ST6GALNAC4: variants seen among roughly 807,000 people sequenced by gnomAD.
ST6GALNAC4 encodes ST6 N-acetylgalactosaminide alpha-2,6-sialyltransferase 4.
ST6GALNAC4 carries 24 observed loss-of-function variants against 30.4 expected under a neutral mutation model. The ratio of observed to expected loss-of-function variants is 0.79; its 90% confidence interval spans 0.57 to 1.11. The LOEUF is 1.11. ST6GALNAC4 is among the 50% of genes most tolerant of loss of function. The pLI is 0.00. For missense variants in ST6GALNAC4, 365 were observed against 430.1 expected, an observed-to-expected ratio of 0.85 and a Z score of 1.34; for synonymous variants, 156 against 179.7, an observed-to-expected ratio of 0.87 and a Z score of 1.05.
intron 2 of ST6GALNAC4, 82 bp downstream of exon 2, chr9:127,916,326 G>A: frequency 6.3e-7 from 1 of 1,588,106 alleles, no homozygotes; most frequent in Non-Finnish European, 8.6e-7. Flanking sequence ...GTGGCAGTGG[G>A]TCCTGGGGTG....
intron 3 of ST6GALNAC4, among the ~76,000 whole-genome samples, chr9:127,913,087 T>C (rs903465874): frequency 3.3e-5 from 5 of 152,224 alleles, no homozygotes; most frequent in Admixed American, 2.0e-4. Flanking sequence ...GAATCATTCT[T>C]AGGCCACTCC....
chr9:127,910,591 C>T, intron 4 of ST6GALNAC4: 10 of 991,282 alleles, frequency 1.0e-5, no homozygotes, highest in Non-Finnish European at 1.1e-5. Context: ...CAGCCCCTGC[C>T]CGCATGCCCC....
At chr9:127,911,262 G>A (rs1038317807) in intron 4 of ST6GALNAC4, among the ~76,000 whole-genome samples, 1 of 152,182 alleles carries the variant, frequency 6.6e-6, no homozygotes, top group African/African-American at 2.4e-5. Flanking sequence ...GTACGTGGCA[G>A]ATGATGATAC....
chr9:127,909,185 C>T (rs1178151911), intron 5 of ST6GALNAC4, among the ~76,000 whole-genome samples: 1 of 152,092 alleles, frequency 6.6e-6, no homozygotes, highest in Non-Finnish European at 1.5e-5. Flanking sequence ...GTCAGGAGTT[C>T]CAGACCAGCC....
Position 127,916,871 on chromosome 9 carries a change from G to A in ST6GALNAC4, c.-121C>T, listed in dbSNP as rs1831205231. ...TGGAGAGGCCGGGCGAGGGCAGGAC[G>A]TAGGTTTTTCACCGCCCTTCCAGAT... On this transcript the variant is annotated 5_prime_UTR_variant, in exon 1 of 6. In the 5' UTR this introduces an upstream ATG that the reference lacks. Transcript: ENST00000335791. 2 of 190,314 alleles carry A rather than the reference G, an allele frequency of 1.1e-5. No individual in the cohort carries two copies. The highest frequency in any genetic ancestry group is 2.2e-5 in the Non-Finnish European group (2 of 90,692). 11.8% of individuals were successfully genotyped at this position (190,314 alleles called of 1,614,324 possible).
chr9:127,912,748 C>T, intron 3 of ST6GALNAC4, 68 bp from the exon 4 acceptor site: 5 of 1,444,518 alleles, frequency 3.5e-6, no homozygotes, highest in Non-Finnish European at 3.7e-6. Context: ...CTGCAGCTCC[C>T]CCTGGAATAT....
rs187119628 is a variant in ST6GALNAC4, at chr9:127,912,566, G to A, written c.313C>T (p.Gln105Ter). 11 of 1,612,760 alleles carry A rather than the reference G, an allele frequency of 6.8e-6. No individual in the cohort carries two copies. The highest frequency in any genetic ancestry group is 1.7e-6 in the Non-Finnish European group (2 of 1,179,890). ...DSAECVFRMN[Q>*]APTVGFEADV... The stretch of plus-strand genomic sequence containing the variant: ...GCCTCAAAGCCCACGGTGGGCGCCT[G>A]GTTCATGCGGAACACGCACTCGGCA... Residue 105 changes from glutamine (Q) to a stop codon, truncating the protein, a stop_gained, in exon 4 of 6, where the codon CAG (glutamine) becomes TAG (stop). Transcript: ENST00000335791. LOFTEE classifies it high-confidence loss of function.
chr9:127,908,837 CGCAGAT>C (rs1831003006), intron 5 of ST6GALNAC4, among the ~76,000 whole-genome samples: 1 of 152,160 alleles, frequency 6.6e-6, no homozygotes, highest in South Asian at 2.1e-4. Flanking sequence ...GTGTGTAAAA[CGCAGAT>C]GGTCACATCC....
At chr9:127,915,542 G>A (rs908219035) in intron 2 of ST6GALNAC4, among the ~76,000 whole-genome samples, 1 of 152,242 alleles carries the variant, frequency 6.6e-6, no homozygotes, top group Non-Finnish European at 1.5e-5. Context: ...GGAGGCTACC[G>A]CCTCCAGAAA....
At chr9:127,909,337 C>T (rs75267954) in intron 5 of ST6GALNAC4, among the ~76,000 whole-genome samples, 48 of 149,244 alleles carry the variant, frequency 3.2e-4, no homozygotes, top group Admixed American at 2.6e-3. Context: ...TGCAGTGAGC[C>T]AAGATCGCGC....
Position 127,912,785 on chromosome 9 carries a change from G to C in ST6GALNAC4, c.199-105C>G, listed in dbSNP as rs1012125390. On this transcript the variant is annotated intron_variant, in intron 3 of 5. Transcript: ENST00000335791. ...CACCAATCTTGCTTGATCAGGTATC[G>C]GCTTGAAGGACTGTTATGAACCCAT... 9 of 1,350,172 alleles carry C rather than the reference G, an allele frequency of 6.7e-6. No homozygotes were observed. In the Admixed American group the frequency reaches 2.2e-4, roughly 33 times the overall value. 83.6% of individuals were successfully genotyped at this position (1,350,172 alleles called of 1,614,324 possible).
intron 2 of ST6GALNAC4, chr9:127,916,153 C>T (rs1831190183): frequency 1.7e-6 from 1 of 582,502 alleles, no homozygotes; most frequent in South Asian, 2.1e-5. Context: ...TCCACGTAGG[C>T]TTTGCCTGGT....
In ST6GALNAC4 at chr9:127,908,357, T is replaced by A. The variant is rs538636412; in HGVS notation, c.*35A>T. The A allele has an allele frequency of 2.0e-6, 3 of 1,506,900 alleles. No homozygotes were observed. In the South Asian group the frequency reaches 4.0e-5, roughly 20 times the overall value. 93.3% of individuals were successfully genotyped at this position (1,506,900 alleles called of 1,614,324 possible). ...CTTGGGATGGGACATCCCGGAGGCC[T>A]CGCAACGGCATGGCGACTGGCAGGA... is the stretch of plus-strand genomic sequence containing the variant. On this transcript the variant is annotated 3_prime_UTR_variant, in exon 6 of 6. Coordinates refer to ENST00000335791, the MANE Select transcript of ST6GALNAC4 (RefSeq NM_175039.4).
At position 127,916,502 on chromosome 9, in the gene ST6GALNAC4, G is replaced by C; in HGVS notation, c.-75-8C>G. 6.4e-7 allele frequency: 1 copy of C among 1,570,306 alleles called. No individual in the cohort carries two copies. Among genetic ancestry groups the C allele is most frequent in the South Asian group, 1.1e-5 (1 of 90,246 alleles). ...GGGGTGGGAGCCGGGCACCTGCCAA[G>C]ACCCAGAAACTCAGAGCCGGGAGGG... is the stretch of plus-strand genomic sequence containing the variant. On this transcript the variant is annotated splice_region_variant and splice_polypyrimidine_tract_variant and intron_variant, in intron 1 of 5. Coordinates refer to ENST00000335791, the MANE Select transcript of ST6GALNAC4 (RefSeq NM_175039.4).
At chr9:127,909,530 CTT>C (rs1425869392) in intron 5 of ST6GALNAC4, among the ~76,000 whole-genome samples, 1 of 146,322 alleles carries the variant, frequency 6.8e-6, no homozygotes, top group Non-Finnish European at 1.5e-5. Context: ...AAAATTAAAA[CTT>C]ATATAAAACA....
chr9:127,908,206 T>G lies in ST6GALNAC4; in HGVS notation c.*186A>C. 1 of 228,110 alleles carries G rather than the reference T, an allele frequency of 4.4e-6. No homozygotes were observed. The highest frequency in any genetic ancestry group is 1.5e-3 in the Middle Eastern group (1 of 652). The allele number at this position is 228,110 out of a possible 1,614,324, so 14.1% of individuals were successfully genotyped here. The stretch of plus-strand genomic sequence containing the variant: ...GACACGGCTCCCCCCTCCACTCCCC[T>G]TCAAGTCATGAGGCCTGAGATGGCT... On this transcript the variant is annotated 3_prime_UTR_variant, in exon 6 of 6. Coordinates refer to ENST00000335791, the MANE Select transcript of ST6GALNAC4 (RefSeq NM_175039.4).
rs764687163 is a variant in ST6GALNAC4 at position 127,908,402 on chromosome 9, C to T, written c.899G>A (p.Arg300Lys). ...GCAGGACGACGGAAGCTACTCAGTC[C>T]TCCAGGACGGATGGGCGAACACGAT... ...RPIVFAHPSW[R>K]TE The change falls in exon 6 of 6, where the codon AGG becomes AAG. Residue 300 changes from arginine (R) to lysine (K), a missense_variant. Arg to Lys is a conservative substitution (Grantham distance 26). Transcript: ENST00000335791. 19 of 1,569,554 alleles carry T rather than the reference C, an allele frequency of 1.2e-5. No individual in the cohort carries two copies. The highest frequency in any genetic ancestry group is 1.5e-5 in the Non-Finnish European group (17 of 1,149,062).
intron 3 of ST6GALNAC4, among the ~76,000 whole-genome samples, 162 bp from the exon 4 acceptor site, chr9:127,912,842 C>G (rs1017655190): frequency 6.6e-6 from 1 of 152,180 alleles, no homozygotes; most frequent in Non-Finnish European, 1.5e-5. Flanking sequence ...ATGACTTTCC[C>G]GAGATCACAG....
intron 4 of ST6GALNAC4, among the ~76,000 whole-genome samples, chr9:127,911,105 A>G (rs905694089): frequency 6.6e-6 from 1 of 152,170 alleles, no homozygotes; most frequent in African/African-American, 2.4e-5. Flanking sequence ...TGGATGTCTG[A>G]GCCCCAGACG....
Sources: gnomAD v4.1 joint callset for allele counts (sites outside exome capture counted in the v4.1 genomes callset) on GRCh38, gnomAD v4.1.1 for gene constraint, MANE v1.5 for transcripts, NCBI Gene and HGNC (gene_info 2026-07-23, HGNC 2026-07-21) for gene names.